The following DAB1 variants were observed in gnomAD, a reference collection of about 807,000 sequenced individuals.
DAB1 encodes DAB adaptor protein 1.
In DAB1, 15 loss-of-function variants were observed where a neutral mutation model predicts 64.6. The ratio of observed to expected loss-of-function variants is 0.23; its 90% CI spans 0.16 to 0.36. The LOEUF is 0.36. DAB1 is among the 10% of genes least tolerant of loss of function. The probability of loss-of-function intolerance (pLI) is 1.00; values close to 1 mark genes in which losing one functional copy is unlikely to be tolerated. For missense variants in DAB1, 596 were observed against 706.7 expected, an observed-to-expected ratio of 0.84 and a Z score of 1.78; for synonymous variants, 235 against 251.9, an observed-to-expected ratio of 0.93 and a Z score of 0.64.
At chr1:57,934,104 T>TGTGTGTGTGTGTGTGTG (rs1557563966) in intron 5 of DAB1, among the ~76,000 whole-genome samples, 9 of 149,734 alleles carry the variant, frequency 6.0e-5, no homozygotes, top group African/African-American at 1.2e-4. Flanking sequence ...TGTGTGTGTG[T>TGTGTGTGTGTGTGTGTG]TTAGTAGAGA....
intron 5 of DAB1, among the ~76,000 whole-genome samples, chr1:58,016,367 T>C (rs1408838136): frequency 3.3e-5 from 5 of 152,138 alleles, no homozygotes; most frequent in Non-Finnish European, 7.4e-5. Context: ...AATTTCCCAT[T>C]TAAGTAATCC....
chr1:57,953,470 T>C (rs1645320558), intron 5 of DAB1, among the ~76,000 whole-genome samples: 1 of 152,214 alleles, frequency 6.6e-6, no homozygotes, highest in Non-Finnish European at 1.5e-5. Context: ...GTCTGAATGA[T>C]CTTAAGGACT....
At chr1:57,009,367 T>G (rs1449172172) in intron 14 of DAB1, among the ~76,000 whole-genome samples, 1 of 152,200 alleles carries the variant, frequency 6.6e-6, no homozygotes, top group Non-Finnish European at 1.5e-5. Flanking sequence ...CGTAGGTGGT[T>G]TTGCATGGCA....
At chr1:57,208,051 T>G (rs1488564189) in intron 2 of DAB1, among the ~76,000 whole-genome samples, 3 of 152,174 alleles carry the variant, frequency 2.0e-5, no homozygotes, top group Non-Finnish European at 4.4e-5. Context: ...ATGCAAGTAA[T>G]TTATTTGGGA....
intron 7 of DAB1, among the ~76,000 whole-genome samples, chr1:57,441,164 TCTCTTGATGCATC>T (rs1685927229): frequency 6.6e-6 from 1 of 152,184 alleles, no homozygotes; most frequent in African/African-American, 2.4e-5. Context: ...AGAAATGCAG[TCTCTTGATGCATC>T]CATGTGACTG....
chr1:58,349,010 G>A (rs139621269), intron 3 of DAB1, among the ~76,000 whole-genome samples: 38 of 152,290 alleles, frequency 2.5e-4, no homozygotes, highest in African/African-American at 8.2e-4. Context: ...AGAGAAGAGT[G>A]TCTGGCTCCC....
intron 5 of DAB1, among the ~76,000 whole-genome samples, chr1:57,985,526 G>A (rs1646194116): frequency 6.6e-6 from 1 of 151,914 alleles, no homozygotes; most frequent in African/African-American, 2.4e-5. Flanking sequence ...CGCTTAATAT[G>A]TATATTAAAT....
At chr1:58,075,542 C>G (rs1649584256) in intron 5 of DAB1, among the ~76,000 whole-genome samples, 1 of 152,156 alleles carries the variant, frequency 6.6e-6, no homozygotes, top group Non-Finnish European at 1.5e-5. Flanking sequence ...GTATGTTGGC[C>G]TATAGAAGGA....
chr1:57,197,045 C>T (rs191287018), intron 2 of DAB1, among the ~76,000 whole-genome samples: 3 of 152,246 alleles, frequency 2.0e-5, no homozygotes, highest in East Asian at 1.9e-4. Flanking sequence ...ACAGAAAGTT[C>T]GATAACTTGG....
intron 6 of DAB1, among the ~76,000 whole-genome samples, chr1:57,685,538 G>A (rs1470140684): frequency 6.6e-6 from 1 of 152,130 alleles, no homozygotes; most frequent in African/African-American, 2.4e-5. Context: ...TGGACTTAAA[G>A]TTGACACTAG....
In DAB1 at chr1:58,106,668, T is replaced by C. The variant is rs571088745; in HGVS notation, n.387+43843A>G. On this transcript the variant is annotated intron_variant and non_coding_transcript_variant, in intron 5 of 20. Transcript: ENST00000485760. ...TGGATCCCGTGCTCCTTCTCATACGTTGTAGATGTCTTCCAGGAGAGAGGC... is the reference window on the plus strand; with the variant it reads ...TGGATCCCGTGCTCCTTCTCATACGCTGTAGATGTCTTCCAGGAGAGAGGC... Among the ~76,000 whole-genome samples the C allele has an allele frequency of 3.9e-5, 6 of 152,312 alleles. No homozygotes were observed. In the East Asian group the frequency reaches 1.2e-3, roughly 29 times the overall value.
intron 1 of DAB1, among the ~76,000 whole-genome samples, chr1:57,409,712 G>A (rs545907932): frequency 6.6e-6 from 1 of 152,292 alleles, no homozygotes; most frequent in African/African-American, 2.4e-5. Context: ...GGGAGGCTGA[G>A]GCAGGAGAAT....
At chr1:58,344,318 G>A (rs546811753) in intron 3 of DAB1, among the ~76,000 whole-genome samples, 5 of 152,290 alleles carry the variant, frequency 3.3e-5, no homozygotes, top group African/African-American at 1.2e-4. Flanking sequence ...AGTGATTAAA[G>A]GGGTAAGAGA....
At chr1:58,136,850 T>C (rs1653974512) in intron 5 of DAB1, among the ~76,000 whole-genome samples, 1 of 152,246 alleles carries the variant, frequency 6.6e-6, no homozygotes, top group Admixed American at 6.5e-5. Flanking sequence ...ACTTGCTGAA[T>C]ATCACAAGTA....
intron 6 of DAB1, among the ~76,000 whole-genome samples, chr1:57,751,897 C>T (rs372674009): frequency 1.2e-4 from 18 of 152,238 alleles, no homozygotes; most frequent in East Asian, 3.9e-4. Flanking sequence ...GAATTGAATG[C>T]GATCAGTTCT....
chr1:57,569,648 A>G (rs1645169552), intron 7 of DAB1, among the ~76,000 whole-genome samples: 1 of 152,098 alleles, frequency 6.6e-6, no homozygotes, highest in South Asian at 2.1e-4. Context: ...CCTAATGTAA[A>G]TGACAAGTTA....
intron 4 of DAB1, among the ~76,000 whole-genome samples, chr1:58,330,089 T>A (rs1387374803): frequency 2.0e-5 from 3 of 152,224 alleles, no homozygotes; most frequent in Non-Finnish European, 4.4e-5. Flanking sequence ...ATGATTATCC[T>A]ACTTGTGAAT....
chr1:58,054,730 T>C (rs1400141874), intron 5 of DAB1, among the ~76,000 whole-genome samples: 2 of 152,240 alleles, frequency 1.3e-5, no homozygotes, highest in Non-Finnish European at 2.9e-5. Context: ...TTATTGCATA[T>C]AGGATAAATA....
intron 7 of DAB1, among the ~76,000 whole-genome samples, chr1:57,433,236 A>T (rs1395491999): frequency 1.3e-5 from 2 of 152,196 alleles, no homozygotes; most frequent in Admixed American, 6.5e-5. Flanking sequence ...GAGAATGCAA[A>T]GGGACTTGGA....
Sources: gnomAD v4.1 joint callset for allele counts (sites outside exome capture counted in the v4.1 genomes callset) on GRCh38, gnomAD v4.1.1 for gene constraint, MANE v1.5 for transcripts, NCBI Gene and HGNC (gene_info 2026-07-23, HGNC 2026-07-21) for gene names.